The following TMEM266 variants were observed in gnomAD, a reference collection of about 807,000 sequenced individuals.
TMEM266 encodes Hv1 related protein 1.
Under a neutral mutation model 50.5 loss-of-function variants are expected in TMEM266, and 33 were observed. The ratio of observed to expected loss-of-function variants is 0.65; its 90% confidence interval spans 0.50 to 0.87. The LOEUF (loss-of-function observed/expected upper bound fraction) is 0.87. Ranked by LOEUF, TMEM266 falls within the 40% of genes least tolerant of loss-of-function variation. The probability of loss-of-function intolerance (pLI) is 0.00; values close to 1 mark genes in which losing one functional copy is unlikely to be tolerated. For synonymous variants in TMEM266, 310 were observed against 292.3 expected (o/e 1.06, Z -0.62); for missense variants, 655 against 695.1 (o/e 0.94, Z 0.65).
chr15:76,111,125 G>C (rs2037165150), intron 1 of TMEM266, among the ~76,000 whole-genome samples: 2 of 150,762 alleles, frequency 1.3e-5, no homozygotes, highest in Non-Finnish European at 2.9e-5. Flanking sequence ...TTGTTGCCCA[G>C]GCTGGAGTGC....
intron 9 of TMEM266, among the ~76,000 whole-genome samples, chr15:76,195,783 C>T (rs1157763442): frequency 6.6e-6 from 1 of 152,246 alleles, no homozygotes; most frequent in East Asian, 1.9e-4. Flanking sequence ...CCTTGTTGTC[C>T]CTCAGCCAAT....
chr15:76,063,940 TG>T (rs1456805242), intron 1 of TMEM266, among the ~76,000 whole-genome samples: 1 of 152,124 alleles, frequency 6.6e-6, no homozygotes, highest in Non-Finnish European at 1.5e-5. Context: ...GAGCCGGTGT[TG>T]GGAAGAGAGG....
intron 1 of TMEM266, among the ~76,000 whole-genome samples, chr15:76,094,699 C>T (rs766171882): frequency 3.9e-5 from 6 of 152,172 alleles, no homozygotes; most frequent in Middle Eastern, 3.4e-3. Flanking sequence ...CTATAAATTA[C>T]TTTCAGCAGT....
At chr15:76,193,941 C>T (rs909594170) in intron 9 of TMEM266, among the ~76,000 whole-genome samples, 7 of 152,254 alleles carry the variant, frequency 4.6e-5, no homozygotes, top group Non-Finnish European at 1.0e-4. Context: ...GTTTTGGTCC[C>T]TCTCAGAGTA....
intron 1 of TMEM266, among the ~76,000 whole-genome samples, chr15:76,103,104 G>T (rs2037028925): frequency 6.6e-6 from 1 of 152,100 alleles, no homozygotes; most frequent in Non-Finnish European, 1.5e-5. Flanking sequence ...GAGAGATAGT[G>T]GGGGTTTGGA....
At chr15:76,162,532 TC>T (rs1278460969) in intron 5 of TMEM266, among the ~76,000 whole-genome samples, 4 of 152,174 alleles carry the variant, frequency 2.6e-5, no homozygotes, top group Non-Finnish European at 5.9e-5. Context: ...TCAGTGTCCG[TC>T]AGTGGTGGGT....
chr15:76,122,572 A>G (rs1473020317), intron 1 of TMEM266, among the ~76,000 whole-genome samples: 1 of 152,232 alleles, frequency 6.6e-6, no homozygotes, highest in Non-Finnish European at 1.5e-5. Flanking sequence ...GCAAAAGATT[A>G]ATTTGGAAAT....
At chr15:76,100,981 T>G (rs1325252720) in intron 1 of TMEM266, among the ~76,000 whole-genome samples, 1 of 152,154 alleles carries the variant, frequency 6.6e-6, no homozygotes, top group East Asian at 1.9e-4. Flanking sequence ...AAGCAATATG[T>G]GTTCAATGCT....
At position 76,191,971 on chromosome 15, in the gene TMEM266, G is replaced by T; in HGVS notation, c.772G>T (p.Glu258Ter). ...CCTTGCCCGTCTCCCTCCGCAGTTT[G>T]AGATCCGGCAGCTGCGCGCGCACCT... is the stretch of plus-strand genomic sequence containing the variant. The change falls in exon 9 of 11, where the codon GAG becomes TAG. Residue 258 changes from glutamate (E) to a stop codon, truncating the protein, a stop_gained. Coordinates refer to ENST00000388942, the MANE Select transcript of TMEM266 (RefSeq NM_152335.3). LOFTEE classifies it high-confidence loss of function. 1 of 1,582,394 alleles carries T rather than the reference G, an allele frequency of 6.3e-7. No homozygotes were observed. Among genetic ancestry groups the T allele is most frequent in the South Asian group, 1.1e-5 (1 of 89,076 alleles).
At chr15:76,111,080 TTTC>T (rs1429914116) in intron 1 of TMEM266, among the ~76,000 whole-genome samples, 84 of 125,746 alleles carry the variant, frequency 6.7e-4, no homozygotes, top group Non-Finnish European at 1.3e-4. Context: ...ACTTTCGCAG[TTTC>T]TTTTTTTTTT....
At chr15:76,063,900 G>C (rs1044801032) in intron 1 of TMEM266, among the ~76,000 whole-genome samples, 3 of 152,210 alleles carry the variant, frequency 2.0e-5, no homozygotes, top group Non-Finnish European at 4.4e-5. Flanking sequence ...AGAAAGTAGA[G>C]AAGAATCGGG....
At chr15:76,184,028 G>T (rs145637399) in intron 8 of TMEM266, among the ~76,000 whole-genome samples, 3 of 152,194 alleles carry the variant, frequency 2.0e-5, no homozygotes, top group African/African-American at 7.2e-5. Context: ...ACGGCTCTGC[G>T]TAGGTCACTC....
chr15:76,091,003 G>A lies in TMEM266; in HGVS notation c.-97+30987G>A, dbSNP rs112747730. On this transcript the variant is annotated intron_variant, in intron 1 of 10. Transcript: ENST00000388942. ...TTTAATCATCACACATTGTATACAT[G>A]TATCAAAATATCACTGTGTATCCTA... is the stretch of plus-strand genomic sequence containing the variant. Among the ~76,000 whole-genome samples the A allele has an allele frequency of 3.3e-3, 500 of 152,276 alleles. 2 individuals carry two copies. The highest frequency in any genetic ancestry group is 0.014 in the Middle Eastern group (4 of 294).
chr15:76,154,863 C>T (rs1274183733), intron 3 of TMEM266, among the ~76,000 whole-genome samples: 1 of 152,216 alleles, frequency 6.6e-6, no homozygotes, highest in Non-Finnish European at 1.5e-5. Flanking sequence ...GGGACTCCTT[C>T]AGGCTTTCCC....
intron 3 of TMEM266, among the ~76,000 whole-genome samples, chr15:76,149,897 C>T (rs2037812081): frequency 6.6e-6 from 1 of 152,186 alleles, no homozygotes; most frequent in East Asian, 1.9e-4. Context: ...TTTCAGTCAG[C>T]CTCATGGCTT....
In TMEM266 at chr15:76,204,398, C is replaced by G; in HGVS notation, c.*83C>G. 4 of 1,382,644 alleles carry G rather than the reference C, an allele frequency of 2.9e-6. No individual in the cohort carries two copies. The highest frequency in any genetic ancestry group is 2.1e-4 in the Middle Eastern group (1 of 4,694). The allele number at this position is 1,382,644 out of a possible 1,614,324, so 85.6% of individuals were successfully genotyped here. ...ACCCTGGAGGCTGCCAAGGGCCACACGCGGGGCCCAGGAGCCCACCTGGCC... is the reference window on the plus strand; with the variant it reads ...ACCCTGGAGGCTGCCAAGGGCCACAGGCGGGGCCCAGGAGCCCACCTGGCC... On this transcript the variant is annotated 3_prime_UTR_variant, in exon 11 of 11. Coordinates refer to ENST00000388942, the MANE Select transcript of TMEM266 (RefSeq NM_152335.3).
At chr15:76,156,466 T>A in intron 3 of TMEM266, 138 bp from the exon 4 acceptor site, 1 of 819,514 alleles carries the variant, frequency 1.2e-6, no homozygotes, top group Non-Finnish European at 1.9e-6. Flanking sequence ...AGGTTGTGTT[T>A]CGCCATGAAG....
chr15:76,126,463 T>G (rs1290900442), intron 1 of TMEM266, among the ~76,000 whole-genome samples: 2 of 151,104 alleles, frequency 1.3e-5, no homozygotes, highest in African/African-American at 4.9e-5. Flanking sequence ...ACAAGATGGA[T>G]GTACCTTGAG....
intron 5 of TMEM266, among the ~76,000 whole-genome samples, chr15:76,162,261 G>T (rs2038029618): frequency 2.0e-5 from 3 of 152,230 alleles, no homozygotes; most frequent in Non-Finnish European, 4.4e-5. Flanking sequence ...CCAGTGTCCA[G>T]CGTGAATGGA....
Sources: allele counts gnomAD v4.1 joint callset (sites outside exome capture counted in the v4.1 genomes callset), GRCh38; gene constraint gnomAD v4.1.1; transcripts MANE v1.5; gene names NCBI Gene and HGNC (gene_info 2026-07-23, HGNC 2026-07-21).